ROBO1: variants seen among roughly 807,000 people sequenced by gnomAD.
The protein encoded by ROBO1 is roundabout homolog 1.
A neutral mutation model predicts 195.9 loss-of-function variants in ROBO1; 149 were observed. The ratio of observed to expected loss-of-function variants is 0.76; its 90% CI spans 0.67 to 0.87. ROBO1 has a LOEUF of 0.87. ROBO1 is among the 40% of genes least tolerant of loss of function. The pLI is 0.00. For synonymous variants in ROBO1, 816 were observed against 733.2 expected (o/e 1.11, Z -1.82); for missense variants, 1,933 against 2,068.3 (o/e 0.93, Z 1.27).
At chr3:78,881,507 T>C (rs1256046797) in intron 4 of ROBO1, among the ~76,000 whole-genome samples, 5 of 152,236 alleles carry the variant, frequency 3.3e-5, no homozygotes, top group Non-Finnish European at 5.9e-5. Flanking sequence ...TTTTCTTTCA[T>C]TGGCTAATTT....
chr3:78,982,852 C>T (rs1027832902), intron 3 of ROBO1, among the ~76,000 whole-genome samples: 10 of 152,168 alleles, frequency 6.6e-5, no homozygotes, highest in African/African-American at 2.4e-4. Flanking sequence ...CTCCTGACCT[C>T]AAGTGATCCA....
intron 8 of ROBO1, among the ~76,000 whole-genome samples, chr3:78,696,225 A>T (rs1466217657): frequency 6.6e-6 from 1 of 151,454 alleles, no homozygotes; most frequent in Non-Finnish European, 1.5e-5. Flanking sequence ...TCCTTCTCAT[A>T]GCCCTTCTCA....
intron 4 of ROBO1, among the ~76,000 whole-genome samples, chr3:78,852,078 T>G (rs960310604): frequency 6.6e-6 from 1 of 152,114 alleles, no homozygotes; most frequent in Admixed American, 6.5e-5. Context: ...TCCCAGAAAT[T>G]TAATCCATGT....
At chr3:78,815,457 A>AG (rs2084870551) in intron 4 of ROBO1, among the ~76,000 whole-genome samples, 1 of 152,168 alleles carries the variant, frequency 6.6e-6, no homozygotes, top group East Asian at 1.9e-4. Flanking sequence ...AGAAAGTCAA[A>AG]CCAACTGCAA....
chr3:78,731,095 A>G (rs1365436600), intron 5 of ROBO1, among the ~76,000 whole-genome samples: 1 of 152,164 alleles, frequency 6.6e-6, no homozygotes, highest in Non-Finnish European at 1.5e-5. Context: ...TAAAAGAGAA[A>G]ATGATCTGTG....
intron 2 of ROBO1, among the ~76,000 whole-genome samples, chr3:79,432,706 A>G (rs2038725361): frequency 6.6e-6 from 1 of 152,042 alleles, no homozygotes; most frequent in African/African-American, 2.4e-5. Flanking sequence ...TATACGTTTC[A>G]CCCTACCCCA....
chr3:79,258,899 T>C (rs1419387891), intron 2 of ROBO1, among the ~76,000 whole-genome samples: 1 of 151,990 alleles, frequency 6.6e-6, no homozygotes. Context: ...ATTTGAAAAA[T>C]GGATTTGTCA....
intron 3 of ROBO1, among the ~76,000 whole-genome samples, chr3:79,000,920 A>G (rs1380666994): frequency 6.6e-6 from 1 of 152,186 alleles, no homozygotes; most frequent in Non-Finnish European, 1.5e-5. Flanking sequence ...GCACGTATAC[A>G]CCATGGAATA....
chr3:79,309,883 T>C (rs1397169202), intron 2 of ROBO1, among the ~76,000 whole-genome samples: 4 of 152,180 alleles, frequency 2.6e-5, no homozygotes, highest in African/African-American at 9.7e-5. Flanking sequence ...CACAACATAA[T>C]AGTAGAAATA....
intron 1 of ROBO1, among the ~76,000 whole-genome samples, chr3:79,597,419 T>A (rs897967250): frequency 6.6e-5 from 10 of 152,034 alleles, no homozygotes. Flanking sequence ...ATAATAAGTA[T>A]ATTATTTTAA....
At chr3:79,698,415 G>T (rs72631230) in intron 1 of ROBO1, among the ~76,000 whole-genome samples, 2,867 of 151,442 alleles carry the variant, frequency 0.019, 64 homozygotes, top group East Asian at 0.11. Context: ...AAGGTAAATG[G>T]ATAGATGAAG....
intron 8 of ROBO1, among the ~76,000 whole-genome samples, chr3:78,701,452 G>A (rs1332678587): frequency 1.3e-5 from 2 of 152,114 alleles, no homozygotes; most frequent in Admixed American, 1.3e-4. Flanking sequence ...GAAAGGAAAT[G>A]CTTTATAAGC....
intron 3 of ROBO1, among the ~76,000 whole-genome samples, chr3:79,080,336 T>C (rs1173924537): frequency 2.0e-5 from 3 of 151,922 alleles, no homozygotes; most frequent in Non-Finnish European, 4.4e-5. Context: ...CTTCTCATTG[T>C]CCATGAAAAT....
chr3:78,767,824 T>C (rs899360509), intron 4 of ROBO1, among the ~76,000 whole-genome samples: 1 of 152,148 alleles, frequency 6.6e-6, no homozygotes, highest in African/African-American at 2.4e-5. Flanking sequence ...TTTTTTTTCT[T>C]GGTTAATATT....
chr3:78,908,116 A>G (rs939629094), intron 4 of ROBO1, among the ~76,000 whole-genome samples: 6 of 149,276 alleles, frequency 4.0e-5, no homozygotes, highest in African/African-American at 1.3e-4. Context: ...GCCTGCATCA[A>G]CTAAAGAACA....
At chr3:78,919,660 T>C (rs552316881) in intron 4 of ROBO1, among the ~76,000 whole-genome samples, 1 of 152,210 alleles carries the variant, frequency 6.6e-6, no homozygotes, top group Non-Finnish European at 1.5e-5. Context: ...CAGGGCCAGA[T>C]TAAATAATGG....
intron 2 of ROBO1, among the ~76,000 whole-genome samples, chr3:79,469,163 G>A (rs950595364): frequency 1.3e-5 from 2 of 151,974 alleles, no homozygotes; most frequent in Non-Finnish European, 2.9e-5. Flanking sequence ...TCTAGTTGAG[G>A]GAGAAAGAAT....
intron 3 of ROBO1, among the ~76,000 whole-genome samples, chr3:79,034,557 T>C (rs1446657580): frequency 5.3e-5 from 8 of 152,150 alleles, no homozygotes; most frequent in East Asian, 1.9e-4. Flanking sequence ...AAGATGTCTA[T>C]GGTGGTATTA....
intron 2 of ROBO1, among the ~76,000 whole-genome samples, chr3:79,491,876 G>A (rs559896075): frequency 7.9e-5 from 12 of 151,880 alleles, no homozygotes; most frequent in Middle Eastern, 6.8e-3. Flanking sequence ...TTGAGATTTG[G>A]AAATGGCTGT....
Sources: allele counts gnomAD v4.1 joint callset (sites outside exome capture counted in the v4.1 genomes callset), GRCh38; gene constraint gnomAD v4.1.1; transcripts MANE v1.5; gene names NCBI Gene and HGNC (gene_info 2026-07-23, HGNC 2026-07-21).